HSPA12A: variants seen among roughly 807,000 people sequenced by gnomAD.
HSPA12A encodes the protein heat shock 70 kDa protein 12A.
HSPA12A carries 28 observed loss-of-function variants against 69.2 expected under a neutral mutation model. The ratio of observed to expected loss-of-function variants is 0.40; its 90% CI spans 0.30 to 0.55. The LOEUF (loss-of-function observed/expected upper bound fraction) is 0.55, where lower values mean the gene tolerates loss of function less well. HSPA12A is among the 20% of genes least tolerant of loss of function. The pLI, the probability that HSPA12A is intolerant of heterozygous loss-of-function variation, is 0.38. For missense variants in HSPA12A, 686 were observed against 900.7 expected (o/e 0.76, Z 3.05); for synonymous variants, 345 against 370.5 (o/e 0.93, Z 0.79).
At chr10:116,799,137 A>G (rs1173265636) in intron 2 of HSPA12A, among the ~76,000 whole-genome samples, 1 of 152,132 alleles carries the variant, frequency 6.6e-6, no homozygotes, top group Non-Finnish European at 1.5e-5. Context: ...ACTCCTGGAC[A>G]TGGATGTGAC....
intron 1 of HSPA12A, among the ~76,000 whole-genome samples, chr10:116,735,635 G>A (rs1365326906): frequency 6.6e-6 from 1 of 152,170 alleles, no homozygotes; most frequent in African/African-American, 2.4e-5. Context: ...AGTCACATAA[G>A]TGACCACAGG....
Position 116,724,223 on chromosome 10 carries a change from C to T in HSPA12A, c.41-16938G>A, listed in dbSNP as rs145424167. ...CCAGGGCAGAGATGAAGAGAGAACACGCACTTTGGGTTCAGAGACCAGAAG... is the reference window on the plus strand; with the variant it reads ...CCAGGGCAGAGATGAAGAGAGAACATGCACTTTGGGTTCAGAGACCAGAAG... On this transcript the variant is annotated intron_variant, in intron 1 of 11. Transcript: ENST00000369209. Among the ~76,000 whole-genome samples, 806 of 152,310 alleles carry T rather than the reference C, an allele frequency of 5.3e-3. 9 individuals are homozygous for T. The highest frequency in any genetic ancestry group is 0.018 in the African/African-American group (741 of 41,568).
At chr10:116,703,798 G>A (rs1428114919) in intron 3 of HSPA12A, among the ~76,000 whole-genome samples, 2 of 152,200 alleles carry the variant, frequency 1.3e-5, no homozygotes, top group Admixed American at 1.3e-4. Context: ...GGGTGTGCGG[G>A]GAAGGGAAGG....
intron 2 of HSPA12A, chr10:116,830,221 T>A (rs1845588087): frequency 6.6e-6 from 1 of 152,124 alleles, no homozygotes; most frequent in African/African-American, 2.4e-5. Flanking sequence ...AGCTTAGAGG[T>A]TTGTCTTTAG....
chr10:116,767,462 C>A (rs1435683326), intron 2 of HSPA12A, among the ~76,000 whole-genome samples: 1 of 152,220 alleles, frequency 6.6e-6, no homozygotes, highest in Non-Finnish European at 1.5e-5. Context: ...GGAGGCTTGG[C>A]CCTGGGGCCT....
intron 6 of HSPA12A, among the ~76,000 whole-genome samples, chr10:116,689,809 A>G (rs199685993): frequency 0.16 from 23,622 of 151,854 alleles, 2,067 homozygotes; most frequent in South Asian, 0.26. Context: ...GAAAAAAAAA[A>G]AAAAAAACAA....
At chr10:116,763,716 C>A (rs578130607) in intron 2 of HSPA12A, among the ~76,000 whole-genome samples, 1 of 152,274 alleles carries the variant, frequency 6.6e-6, no homozygotes, top group Non-Finnish European at 1.5e-5. Context: ...ACAAAATGTG[C>A]TCTGGACTAG....
At chr10:116,689,799 GAAA>G (rs59745092) in intron 6 of HSPA12A, among the ~76,000 whole-genome samples, 37,546 of 146,696 alleles carry the variant, frequency 0.26, 5,197 homozygotes, top group Middle Eastern at 0.43. Context: ...AAAGGCAGGG[GAAA>G]AAAAAAAAAA....
At chr10:116,773,212 C>T (rs147659100) in intron 2 of HSPA12A, among the ~76,000 whole-genome samples, 379 of 152,370 alleles carry the variant, frequency 2.5e-3, no homozygotes, top group African/African-American at 8.1e-3. Context: ...TGGGCCCAGG[C>T]ATTTCCCCAG....
At chr10:116,817,126 T>A (rs780284148) in intron 2 of HSPA12A, among the ~76,000 whole-genome samples, 93 of 152,300 alleles carry the variant, frequency 6.1e-4, no homozygotes, top group Non-Finnish European at 1.1e-3. Context: ...CAGATTTACT[T>A]CATATTTATT....
intron 6 of HSPA12A, among the ~76,000 whole-genome samples, chr10:116,691,954 C>T (rs987504310): frequency 6.6e-6 from 1 of 152,238 alleles, no homozygotes; most frequent in Non-Finnish European, 1.5e-5. Flanking sequence ...ATGGCCTTGG[C>T]TTGCTTGCTT....
At chr10:116,822,762 C>T (rs1056123329) in intron 2 of HSPA12A, among the ~76,000 whole-genome samples, 3 of 152,132 alleles carry the variant, frequency 2.0e-5, no homozygotes, top group African/African-American at 7.2e-5. Context: ...TTATTGCATT[C>T]GTGGATAGGC....
intron 2 of HSPA12A, among the ~76,000 whole-genome samples, chr10:116,789,218 T>A (rs918382796): frequency 2.0e-5 from 3 of 152,242 alleles, no homozygotes; most frequent in Admixed American, 1.3e-4. Flanking sequence ...CAAAGATATA[T>A]CACATCGCAA....
chr10:116,780,830 T>C (rs1554891728), intron 2 of HSPA12A, among the ~76,000 whole-genome samples: 1 of 152,250 alleles, frequency 6.6e-6, no homozygotes, highest in Non-Finnish European at 1.5e-5. Context: ...TTTCTATGGG[T>C]GACGAGTCAC....
chr10:116,713,011 T>TATATATATATATATATA (rs1554883335), intron 1 of HSPA12A, among the ~76,000 whole-genome samples: 229 of 130,892 alleles, frequency 1.7e-3, no homozygotes, highest in African/African-American at 2.8e-3. Flanking sequence ...TATATATATA[T>TATATATATATATATATA]TTGCATTTCT....
chr10:116,745,168 G>A (rs1319383644), upstream of HSPA12A, among the ~76,000 whole-genome samples: 2 of 152,238 alleles, frequency 1.3e-5, no homozygotes, highest in Non-Finnish European at 2.9e-5. Flanking sequence ...GAGCAAGATC[G>A]TGGACTGTGT....
intron 2 of HSPA12A, among the ~76,000 whole-genome samples, chr10:116,793,635 C>A (rs1190194450): frequency 6.6e-6 from 1 of 151,888 alleles, no homozygotes; most frequent in Admixed American, 6.6e-5. Context: ...CAATGGCATG[C>A]AAATCAAGAG....
chr10:116,761,219 C>T (rs1375005767), intron 2 of HSPA12A, among the ~76,000 whole-genome samples: 1 of 152,056 alleles, frequency 6.6e-6, no homozygotes, highest in African/African-American at 2.4e-5. Context: ...GGAGCGGTGG[C>T]TCATGCCTGT....
At chr10:116,766,985 G>A (rs1390707324) in intron 2 of HSPA12A, among the ~76,000 whole-genome samples, 2 of 152,168 alleles carry the variant, frequency 1.3e-5, no homozygotes, top group African/African-American at 2.4e-5. Context: ...AAGTGGAGAC[G>A]CAGTCCCCAG....
Sources: gnomAD v4.1 joint callset for allele counts (sites outside exome capture counted in the v4.1 genomes callset) on GRCh38, gnomAD v4.1.1 for gene constraint, MANE v1.5 for transcripts, NCBI Gene and HGNC (gene_info 2026-07-23, HGNC 2026-07-21) for gene names.